Variants in NUP160 observed in about 807,000 individuals in gnomAD.
NUP160 encodes nucleoporin 160.
NUP160 carries 94 observed loss-of-function variants against 196.9 expected under a neutral mutation model. That is an observed-to-expected ratio of 0.48 (90% confidence interval 0.40 to 0.57). The LOEUF is 0.57. Ranked by LOEUF, NUP160 falls within the 20% of genes least tolerant of loss-of-function variation. NUP160 has a pLI of 0.00. For missense variants in NUP160, 1,638 were observed against 1,748.3 expected, an observed-to-expected ratio of 0.94 and a Z score of 1.13; for synonymous variants, 605 against 619.7, an observed-to-expected ratio of 0.98 and a Z score of 0.35.
At chr11:47,793,119 T>C (rs575022226) in intron 27 of NUP160, among the ~76,000 whole-genome samples, 173 bp from the exon 28 acceptor site, 2 of 152,002 alleles carry the variant, frequency 1.3e-5, no homozygotes, top group Non-Finnish European at 2.9e-5. Context: ...CCTGAGTAGC[T>C]GGGATTATAG....
intron 10 of NUP160, among the ~76,000 whole-genome samples, chr11:47,818,690 CTA>C (rs951996432): frequency 1.1e-4 from 17 of 152,102 alleles, no homozygotes; most frequent in African/African-American, 4.1e-4. Flanking sequence ...GTAAATCTGA[CTA>C]ACAGTCATTC....
intron 7 of NUP160, among the ~76,000 whole-genome samples, chr11:47,834,691 C>G (rs896306113): frequency 5.3e-5 from 8 of 152,192 alleles, no homozygotes; most frequent in African/African-American, 1.4e-4. Flanking sequence ...CAGGCATGTC[C>G]CAGCACAGGA....
intron 18 of NUP160, 118 bp downstream of exon 18, chr11:47,808,278 G>T: frequency 1.1e-6 from 1 of 948,236 alleles, no homozygotes; most frequent in Non-Finnish European, 1.6e-6. Context: ...GCGAGACTCT[G>T]TCTCAAAACA....
intron 7 of NUP160, chr11:47,827,034 A>T: frequency 2.2e-6 from 1 of 456,274 alleles, no homozygotes; most frequent in Non-Finnish European, 4.4e-6. Context: ...GAAACTAGGA[A>T]TAAAGGGGAA....
intron 7 of NUP160, among the ~76,000 whole-genome samples, chr11:47,826,148 A>G (rs1037906311): frequency 2.7e-5 from 4 of 150,904 alleles, no homozygotes; most frequent in African/African-American, 9.7e-5. Flanking sequence ...TTAAACAAAC[A>G]AACAAACAAA....
intron 2 of NUP160, among the ~76,000 whole-genome samples, chr11:47,845,125 G>T (rs1261308049): frequency 6.6e-6 from 1 of 152,118 alleles, no homozygotes; most frequent in Non-Finnish European, 1.5e-5. Flanking sequence ...CTCTGTCTAT[G>T]GAGTAGCCAT....
At chr11:47,803,349 C>G (rs1022360109) in intron 22 of NUP160, 89 bp downstream of exon 22, 6 of 770,772 alleles carry the variant, frequency 7.8e-6, no homozygotes, top group Middle Eastern at 2.3e-4. Flanking sequence ...TCTATGTCTC[C>G]CATCCCCTAA....
exon 19 of NUP160, chr11:47,807,118 A>T: frequency 6.2e-7 from 1 of 1,612,110 alleles, no homozygotes; most frequent in Non-Finnish European, 8.5e-7. Flanking sequence ...TCCAGTACTG[A>T]TAAGTGTTGG....
exon 1 of NUP160, chr11:47,848,444 G>C (rs753340332): frequency 2.0e-6 from 3 of 1,505,206 alleles, no homozygotes; most frequent in Non-Finnish European, 2.7e-6. Context: ...AGGCGGCTCC[G>C]GCCCTTCGTT....
intron 10 of NUP160, among the ~76,000 whole-genome samples, chr11:47,818,813 T>C (rs1408941572): frequency 6.6e-6 from 1 of 152,174 alleles, no homozygotes; most frequent in African/African-American, 2.4e-5. Context: ...CAAGTGCCAG[T>C]AGTTAACTGG....
At chr11:47,786,457 A>G in exon 32 of NUP160, 1 of 1,608,454 alleles carries the variant, frequency 6.2e-7, no homozygotes, top group Non-Finnish European at 8.5e-7. Flanking sequence ...TTGTACCTAG[A>G]CTCCTTAGTA....
rs938938640 is a variant in NUP160, at chr11:47,839,731, C to G, written c.748+112G>C. ...TCATTAGGCAAGCAATAATGAATGA[C>G]CAGTTCCGGGGCAGTAGAGATGCAA... On this transcript the variant is annotated intron_variant, in intron 4 of 35. Transcript: ENST00000378460. 4 of 867,816 alleles carry G rather than the reference C, an allele frequency of 4.6e-6. No homozygotes were observed. The African/African-American group carries it at 6.6e-5, about 14-fold the overall frequency. The allele number at this position is 867,816 out of a possible 1,614,324, so 53.8% of individuals were successfully genotyped here.
chr11:47,837,589 T>A (rs769863600), exon 5 of NUP160: 1 of 1,614,172 alleles, frequency 6.2e-7, no homozygotes, highest in Non-Finnish European at 8.5e-7. Flanking sequence ...GTTGCATTAC[T>A]GAACTCTGTT....
intron 2 of NUP160, among the ~76,000 whole-genome samples, chr11:47,846,808 T>C (rs938614277): frequency 2.6e-5 from 4 of 152,182 alleles, no homozygotes; most frequent in African/African-American, 9.7e-5. Context: ...CATGAGTATA[T>C]TGTGTGTATA....
chr11:47,790,707 T>C (rs544318682), intron 29 of NUP160, among the ~76,000 whole-genome samples: 2 of 152,300 alleles, frequency 1.3e-5, no homozygotes, highest in Admixed American at 6.5e-5. Context: ...TGAGCCATGA[T>C]TGTGCCACTG....
chr11:47,782,296 AAAAAAAAATATATAT>A (rs1458887669), intron 34 of NUP160, among the ~76,000 whole-genome samples: 60 of 49,568 alleles, frequency 1.2e-3, no homozygotes, highest in Non-Finnish European at 1.7e-3. Flanking sequence ...AGTTAAAAAA[AAAAAAAAATATATAT>A]ATATATATAT....
Position 47,815,735 on chromosome 11 carries a change from A to G in NUP160, c.1516-86T>C. ...AAAAACATAATTGTCCAATATCATT[A>G]TACTAAGCTACAGCCAAATGAATAT... On this transcript the variant is annotated intron_variant, in intron 12 of 35. Transcript: ENST00000378460. 5.9e-6 allele frequency: 7 copies of G among 1,189,454 alleles called. No individual in the cohort carries two copies. In the East Asian group the frequency reaches 7.1e-5, roughly 12 times the overall value. 73.7% of individuals were successfully genotyped at this position (1,189,454 alleles called of 1,614,324 possible). A position where few individuals can be genotyped will look rare whatever the true frequency, so the allele number is the denominator to read the frequency against.
At chr11:47,815,797 G>A in intron 12 of NUP160, 148 bp from the exon 13 acceptor site, 3 of 886,612 alleles carry the variant, frequency 3.4e-6, no homozygotes, top group South Asian at 3.5e-5. Flanking sequence ...ATGCAAATGT[G>A]TATCTGATTC....
intron 29 of NUP160, 62 bp from the exon 30 acceptor site, chr11:47,788,673 C>T (rs1479942034): frequency 2.8e-5 from 28 of 998,928 alleles, no homozygotes; most frequent in South Asian, 1.1e-4. Context: ...ATCAGATTAA[C>T]GCAACCTGTC....
Sources: gnomAD v4.1 joint callset for allele counts (sites outside exome capture counted in the v4.1 genomes callset) on GRCh38, gnomAD v4.1.1 for gene constraint, MANE v1.5 for transcripts, NCBI Gene and HGNC (gene_info 2026-07-23, HGNC 2026-07-21) for gene names.